Variants in KCNC4 observed in about 807,000 individuals in gnomAD.
The protein encoded by KCNC4 is potassium voltage-gated channel subfamily C member 4.
KCNC4 carries 23 observed loss-of-function variants against 42.8 expected under a neutral mutation model. That is an observed-to-expected ratio of 0.54 (90% CI 0.39 to 0.76). The LOEUF is 0.76. Among genes scored for constraint, KCNC4 ranks in the 30% least tolerant of loss-of-function variants. The probability of loss-of-function intolerance (pLI) is 0.00; values close to 1 mark genes in which losing one functional copy is unlikely to be tolerated. For missense variants in KCNC4, 751 were observed against 898.2 expected (o/e 0.84, Z 2.10); for synonymous variants, 422 against 393.5 (o/e 1.07, Z -0.86).
intron 1 of KCNC4, among the ~76,000 whole-genome samples, chr1:110,257,716 G>A (rs867175024): frequency 7.0e-5 from 4 of 57,300 alleles, no homozygotes; most frequent in Admixed American, 1.9e-4. Context: ...GCGAGACTCC[G>A]TCTCAAAAAA....
chr1:110,213,651 C>T, intron 1 of KCNC4, among the ~76,000 whole-genome samples: 1 of 152,250 alleles, frequency 6.6e-6, no homozygotes, highest in Non-Finnish European at 1.5e-5. Context: ...GACAACAAAG[C>T]TAGAGGCAAC....
chr1:110,265,757 A>G (rs1190481315), intron 1 of KCNC4, among the ~76,000 whole-genome samples: 1 of 152,182 alleles, frequency 6.6e-6, no homozygotes, highest in Non-Finnish European at 1.5e-5. Flanking sequence ...GGTCCTGCCC[A>G]GCACTAGACC....
At chr1:110,226,280 C>T in intron 3 of KCNC4, 102 bp downstream of exon 3, 1 of 927,110 alleles carries the variant, frequency 1.1e-6, no homozygotes, top group Non-Finnish European at 1.7e-6. Flanking sequence ...GAGACCGTGG[C>T]CGCCATCTCC....
intron 1 of KCNC4, among the ~76,000 whole-genome samples, chr1:110,263,730 G>T (rs997591205): frequency 6.6e-6 from 1 of 152,002 alleles, no homozygotes; most frequent in South Asian, 2.1e-4. Context: ...AGTTCTTCCC[G>T]TGGGAAAGAC....
chr1:110,216,497 TTTGTCTCTGAACATC>T (rs1335979591), intron 1 of KCNC4, among the ~76,000 whole-genome samples: 1 of 152,214 alleles, frequency 6.6e-6, no homozygotes, highest in Non-Finnish European at 1.5e-5. Flanking sequence ...CAGATCAACA[TTTGTCTCTGAACATC>T]TTGTCTCTGA....
intron 1 of KCNC4, among the ~76,000 whole-genome samples, chr1:110,256,442 G>A (rs1290975368): frequency 6.6e-6 from 1 of 152,194 alleles, no homozygotes. Context: ...TGGTCACTCA[G>A]AACTTGTAGT....
At chr1:110,212,752 G>C (rs952633883) in intron 1 of KCNC4, among the ~76,000 whole-genome samples, 4 of 152,236 alleles carry the variant, frequency 2.6e-5, no homozygotes, top group South Asian at 4.1e-4. Context: ...ACCACAATCC[G>C]GCCTCCTTTC....
chr1:110,244,005 G>C (rs528419976), exon 4 of KCNC4: 1 of 152,314 alleles, frequency 6.6e-6, no homozygotes, highest in Non-Finnish European at 1.5e-5. Context: ...TTTTTCACAG[G>C]CTGGCTTGGT....
intron 1 of KCNC4, chr1:110,220,399 G>T (rs184790934): frequency 7.7e-4 from 118 of 152,384 alleles, no homozygotes; most frequent in African/African-American, 2.7e-3. Context: ...GCCCATGGTG[G>T]TGGCAGTTGA....
downstream of KCNC4, chr1:110,235,631 G>A (rs982569374): frequency 7.9e-5 from 12 of 152,176 alleles, no homozygotes; most frequent in Non-Finnish European, 1.3e-4. Context: ...GTGTGCAGGA[G>A]GGTGGAGGGG....
chr1:110,263,383 C>G (rs1320865819), intron 1 of KCNC4, among the ~76,000 whole-genome samples: 2 of 151,814 alleles, frequency 1.3e-5, no homozygotes, highest in Non-Finnish European at 2.9e-5. Flanking sequence ...GAAACATGTC[C>G]ACACATCTAG....
chr1:110,273,136 G>T (rs1180355716), intron 1 of KCNC4, among the ~76,000 whole-genome samples: 1 of 152,180 alleles, frequency 6.6e-6, no homozygotes, highest in Non-Finnish European at 1.5e-5. Flanking sequence ...ATGGACCCAG[G>T]AGCTGAAAGA....
At chr1:110,244,677 A>G (rs1328919454) in exon 4 of KCNC4, 5 of 152,302 alleles carry the variant, frequency 3.3e-5, no homozygotes, top group African/African-American at 1.2e-4. Context: ...ACTGGAGCCA[A>G]GTGGCCCCCA....
chr1:110,212,473 C>T (rs1657535283), intron 1 of KCNC4, among the ~76,000 whole-genome samples: 1 of 152,210 alleles, frequency 6.6e-6, no homozygotes, highest in Non-Finnish European at 1.5e-5. Context: ...TCAGCTCCTC[C>T]ACCCCCTTCT....
intron 1 of KCNC4, among the ~76,000 whole-genome samples, chr1:110,263,578 A>G (rs1659490143): frequency 6.6e-6 from 1 of 152,180 alleles, no homozygotes; most frequent in South Asian, 2.1e-4. Flanking sequence ...ACGCCACTCC[A>G]AACAGGGTCA....
exon 4 of KCNC4, chr1:110,240,336 T>G (rs973311112): frequency 1.3e-5 from 2 of 152,046 alleles, no homozygotes; most frequent in African/African-American, 2.4e-5. Context: ...TGAAGAGACT[T>G]CTGCAGGGAC....
At chr1:110,240,159 A>C (rs897170) in exon 4 of KCNC4, 38,310 of 152,028 alleles carry the variant, frequency 0.25, 5,719 homozygotes, top group Non-Finnish European at 0.33. Flanking sequence ...TGTCCACCTC[A>C]AGCCAGCACC....
At chr1:110,231,651 T>A (rs908470963) in intron 3 of KCNC4, among the ~76,000 whole-genome samples, 10 of 152,100 alleles carry the variant, frequency 6.6e-5, no homozygotes, top group African/African-American at 2.4e-4. Context: ...CAGTGGCAGG[T>A]GTTGCTTAAG....
intron 1 of KCNC4, among the ~76,000 whole-genome samples, chr1:110,217,313 A>G (rs912905372): frequency 1.3e-5 from 2 of 152,180 alleles, no homozygotes; most frequent in African/African-American, 4.8e-5. Context: ...TCCACAAGGA[A>G]CTAGAAGTTG....
Sources: allele counts gnomAD v4.1 joint callset (sites outside exome capture counted in the v4.1 genomes callset), GRCh38; gene constraint gnomAD v4.1.1; transcripts MANE v1.5; gene names NCBI Gene and HGNC (gene_info 2026-07-23, HGNC 2026-07-21).